Variants in COLEC12 observed in about 807,000 individuals in gnomAD.
The protein encoded by COLEC12 is collectin subfamily member 12.
A neutral mutation model predicts 71.1 loss-of-function variants in COLEC12; 33 were observed. The ratio of observed to expected loss-of-function variants is 0.46; its 90% CI spans 0.35 to 0.62. The LOEUF (loss-of-function observed/expected upper bound fraction) is 0.62, where lower values mean the gene tolerates loss of function less well. COLEC12 is among the 20% of genes least tolerant of loss of function. The probability of loss-of-function intolerance (pLI) is 0.00; values close to 1 mark genes in which losing one functional copy is unlikely to be tolerated. For synonymous variants in COLEC12, 350 were observed against 353.0 expected, an observed-to-expected ratio of 0.99 and a Z score of 0.10; for missense variants, 765 against 916.1, an observed-to-expected ratio of 0.84 and a Z score of 2.13.
At chr18:390,954 TC>T (rs1915451023) in intron 2 of COLEC12, among the ~76,000 whole-genome samples, 1 of 152,200 alleles carries the variant, frequency 6.6e-6, no homozygotes, top group Non-Finnish European at 1.5e-5. Flanking sequence ...CAAACCCATG[TC>T]TGTCAGGAAG....
intron 2 of COLEC12, among the ~76,000 whole-genome samples, chr18:460,970 G>C (rs1413744978): frequency 1.3e-5 from 2 of 152,212 alleles, no homozygotes; most frequent in Admixed American, 1.3e-4. Flanking sequence ...TTGAATGAAG[G>C]TTGGTTGGTT....
chr18:378,345 A>G (rs1453970162), intron 2 of COLEC12, among the ~76,000 whole-genome samples: 6 of 152,240 alleles, frequency 3.9e-5, no homozygotes, highest in African/African-American at 1.4e-4. Flanking sequence ...ACCGTCATAA[A>G]TAAAAGTAGA....
chr18:466,986 C>A (rs1456659831), intron 2 of COLEC12, among the ~76,000 whole-genome samples: 2 of 152,088 alleles, frequency 1.3e-5, no homozygotes, highest in African/African-American at 4.8e-5. Context: ...GTGGGTGTAC[C>A]TATATCCACC....
chr18:464,071 G>T (rs901887421), intron 2 of COLEC12, among the ~76,000 whole-genome samples: 2 of 152,058 alleles, frequency 1.3e-5, no homozygotes, highest in Non-Finnish European at 1.5e-5. Flanking sequence ...CTGCCTGTCC[G>T]CGTGTGCTCA....
At chr18:455,856 G>C (rs1403560245) in intron 2 of COLEC12, among the ~76,000 whole-genome samples, 1 of 152,170 alleles carries the variant, frequency 6.6e-6, no homozygotes, top group Non-Finnish European at 1.5e-5. Flanking sequence ...ATAGTATTCT[G>C]TGGTGTATAT....
At chr18:467,073 T>C (rs1917102643) in intron 2 of COLEC12, among the ~76,000 whole-genome samples, 1 of 152,194 alleles carries the variant, frequency 6.6e-6, no homozygotes, top group South Asian at 2.1e-4. Flanking sequence ...CAATTATAAA[T>C]AGAAAATAAA....
chr18:369,912 T>A (rs986092383), intron 2 of COLEC12, among the ~76,000 whole-genome samples: 1 of 152,078 alleles, frequency 6.6e-6, no homozygotes, highest in Non-Finnish European at 1.5e-5. Flanking sequence ...TGGATTCAGA[T>A]GGAGGAATCA....
intron 2 of COLEC12, among the ~76,000 whole-genome samples, chr18:381,102 C>A (rs1198046327): frequency 6.6e-6 from 1 of 152,100 alleles, no homozygotes; most frequent in Non-Finnish European, 1.5e-5. Context: ...CAGAACCAGG[C>A]TCAGAGAAAG....
intron 5 of COLEC12, among the ~76,000 whole-genome samples, chr18:338,387 G>C (rs1249407128): frequency 6.6e-6 from 1 of 152,186 alleles, no homozygotes; most frequent in Non-Finnish European, 1.5e-5. Flanking sequence ...TGTGCCCCAG[G>C]TGAGATCAGT....
intron 2 of COLEC12, among the ~76,000 whole-genome samples, chr18:441,087 A>G (rs1278181877): frequency 7.6e-5 from 2 of 26,252 alleles, no homozygotes; most frequent in African/African-American, 1.3e-4. Flanking sequence ...TCTCTACTAA[A>G]AATACAAAAA....
intron 2 of COLEC12, among the ~76,000 whole-genome samples, chr18:407,749 G>A (rs1418683755): frequency 4.6e-5 from 7 of 152,194 alleles, no homozygotes; most frequent in Non-Finnish European, 7.3e-5. Context: ...CCCACAACCA[G>A]TAAAGTCAAC....
chr18:448,303 A>C (rs1567910899), intron 2 of COLEC12, among the ~76,000 whole-genome samples: 1 of 152,232 alleles, frequency 6.6e-6, no homozygotes, highest in Non-Finnish European at 1.5e-5. Flanking sequence ...CGTTCGCTAA[A>C]GTCTGATCCT....
chr18:395,521 C>A (rs1006452225), intron 2 of COLEC12, among the ~76,000 whole-genome samples: 1 of 152,160 alleles, frequency 6.6e-6, no homozygotes, highest in Non-Finnish European at 1.5e-5. Flanking sequence ...GGATAATAAT[C>A]CTTCCCAGAA....
At chr18:434,479 G>A in intron 2 of COLEC12, among the ~76,000 whole-genome samples, 1 of 152,186 alleles carries the variant, frequency 6.6e-6, no homozygotes, top group South Asian at 2.1e-4. Context: ...GATCTGGCTC[G>A]GAGTCCATGT....
chr18:347,197 C>T lies in COLEC12; in HGVS notation c.425G>A (p.Ser142Asn). 6.2e-7 allele frequency: 1 copy of T among 1,614,188 alleles called. No homozygotes were observed. Among genetic ancestry groups the T allele is most frequent in the Non-Finnish European group, 8.5e-7 (1 of 1,180,038 alleles). ...NKDTLEKLQA[S>N]GDALVDRQSQ... ...CTGCCTGTCCACCAGAGCATCCCCGCTCGCCTGTAACTTCTCCAGCGTATC... is the reference window on the plus strand; with the variant it reads ...CTGCCTGTCCACCAGAGCATCCCCGTTCGCCTGTAACTTCTCCAGCGTATC... The change falls in exon 5 of 10, where the codon AGC becomes AAC. Residue 142 changes from serine (S) to asparagine (N), a missense_variant. Ser to Asn is a conservative substitution (Grantham distance 46, BLOSUM62 1). Transcript: ENST00000400256.
Position 500,674 on chromosome 18 carries a change from C to G in COLEC12, c.-160G>C. ...TCCCTCGCCGCCGCCGGCCCGCGCT[C>G]CCCGCGCTCCCGGCTCCGCGCTCTG... On this transcript the variant is annotated 5_prime_UTR_variant, in exon 1 of 10. Coordinates refer to ENST00000400256, the MANE Select transcript of COLEC12 (RefSeq NM_130386.3). The surrounding 1 kb of genome is among the most constrained non-coding windows in gnomAD (Gnocchi z 5.3). The G allele has an allele frequency of 5.8e-6, 2 of 347,114 alleles. No individual in the cohort carries two copies. The highest frequency in any genetic ancestry group is 8.6e-6 in the Non-Finnish European group (2 of 233,354). 21.5% of individuals were successfully genotyped at this position (347,114 alleles called of 1,614,324 possible). A position where few individuals can be genotyped will look rare whatever the true frequency, so the allele number is the denominator to read the frequency against.
intron 2 of COLEC12, among the ~76,000 whole-genome samples, chr18:470,424 G>A (rs1917172939): frequency 6.6e-6 from 1 of 151,160 alleles, no homozygotes; most frequent in Admixed American, 6.6e-5. Flanking sequence ...TAATAGAGAT[G>A]GGGTTTCACC....
chr18:444,235 T>A (rs558721931), intron 2 of COLEC12, among the ~76,000 whole-genome samples: 1 of 152,344 alleles, frequency 6.6e-6, no homozygotes, highest in African/African-American at 2.4e-5. Flanking sequence ...AAACATACAC[T>A]ATGATGATTG....
chr18:432,080 C>T (rs1564420), intron 2 of COLEC12, among the ~76,000 whole-genome samples: 100,819 of 151,990 alleles, frequency 0.66, 34,790 homozygotes, highest in East Asian at 1. Context: ...ACTTTAAATA[C>T]GCCATCACAT....
Sources: gnomAD v4.1 joint callset for allele counts (sites outside exome capture counted in the v4.1 genomes callset) on GRCh38, gnomAD v4.1.1 for gene constraint, Gnocchi (gnomAD v3.1) non-coding constraint, MANE v1.5 for transcripts, NCBI Gene and HGNC (gene_info 2026-07-23, HGNC 2026-07-21) for gene names.